Variants in RADIL observed in about 807,000 individuals in gnomAD.
RADIL encodes ras-associating and dilute domain-containing protein.
A neutral mutation model predicts 97.6 loss-of-function variants in RADIL; 99 were observed. The observed-to-expected ratio is 1.01, with a 90% confidence interval of 0.86 to 1.20. The LOEUF is 1.20. Among genes scored for constraint, RADIL ranks in the 50% most tolerant of loss-of-function variants. The probability of loss-of-function intolerance (pLI) is 0.00; values close to 1 mark genes in which losing one functional copy is unlikely to be tolerated. For synonymous variants in RADIL, 803 were observed against 691.8 expected, an observed-to-expected ratio of 1.16 and a Z score of -2.52; for missense variants, 1,765 against 1,498.9, an observed-to-expected ratio of 1.18 and a Z score of -2.93.
rs1783285205 is a variant in RADIL at position 4,835,893 on chromosome 7, G to C, written c.783+465C>G. 6.6e-6 allele frequency among the ~76,000 whole-genome samples: 1 copy of C among 152,262 alleles called. No homozygotes were observed. The highest frequency in any genetic ancestry group is 1.5e-5 in the Non-Finnish European group (1 of 68,044). Reference sequence around the variant, plus strand: ...CAGCCTGCCTGCTCTGATGGAAGTGGTGAGAAACGGCTCTGGGCAGATAGG... The same window carrying C: ...CAGCCTGCCTGCTCTGATGGAAGTGCTGAGAAACGGCTCTGGGCAGATAGG... On this transcript the variant is annotated intron_variant, in intron 3 of 14. Coordinates refer to ENST00000399583, the MANE Select transcript of RADIL (RefSeq NM_018059.5). This position sits in a 1 kb window ranked among gnomAD's most constrained non-coding sequence, Gnocchi z 5.8.
chr7:4,873,863 C>T lies in RADIL; in HGVS notation c.535+3742G>A, dbSNP rs896091862. On this transcript the variant is annotated intron_variant, in intron 2 of 14. Coordinates refer to ENST00000399583, the MANE Select transcript of RADIL (RefSeq NM_018059.5). This position sits in a 1 kb window ranked among gnomAD's most constrained non-coding sequence, Gnocchi z 4.3. ...AAGCCTCCCCACCACGATTCTTCCA[C>T]GTCACTCCAACCTGAGGCAGGCTGG... Among the ~76,000 whole-genome samples, 1 of 152,230 alleles carries T rather than the reference C, an allele frequency of 6.6e-6. No homozygotes were observed. Among genetic ancestry groups the T allele is most frequent in the Non-Finnish European group, 1.5e-5 (1 of 68,046 alleles).
At position 4,835,128 on chromosome 7, in the gene RADIL, T is replaced by G. The variant is rs1583294099; in HGVS notation, c.895A>C (p.Thr299Pro). 1 of 1,609,430 alleles carries G rather than the reference T, an allele frequency of 6.2e-7. No homozygotes were observed. Among genetic ancestry groups the G allele is most frequent in the Non-Finnish European group, 8.5e-7 (1 of 1,178,414 alleles). The change falls in exon 4 of 15, where the codon ACC becomes CCC. Residue 299 changes from threonine (T) to proline (P), a missense_variant. Coordinates refer to ENST00000399583, the MANE Select transcript of RADIL (RefSeq NM_018059.5). The surrounding 1 kb of genome is among the most constrained non-coding windows in gnomAD (Gnocchi z 5.8). ...SAPDILPLHC[T>P]IRRQPLPDSG... is the part of the protein sequence containing the mutation. ...TCCGGGAGCGGTTGCCGGCGGATGG[T>G]GCAGTGTAGAGGCAGGATGTCGGGG...
At chr7:4,823,753 G>C (rs1163740099) in intron 5 of RADIL, among the ~76,000 whole-genome samples, 1 of 152,206 alleles carries the variant, frequency 6.6e-6, no homozygotes, top group Non-Finnish European at 1.5e-5. Flanking sequence ...GTGTCTGTCT[G>C]GTGTGACTTG....
chr7:4,811,026 A>G (rs1782528747), intron 9 of RADIL, among the ~76,000 whole-genome samples: 1 of 151,944 alleles, frequency 6.6e-6, no homozygotes, highest in Non-Finnish European at 1.5e-5. Context: ...AACCCCAGCT[A>G]CTCAAGAGGC....
In RADIL at chr7:4,881,814, A is replaced by G. The variant is rs545446335; in HGVS notation, c.-65+1782T>C. ...ATATTTGGGGCCCAGGGGTGGATAT[A>G]TGTTTTGTAAGGTCTGACATTTACA... On this transcript the variant is annotated intron_variant, in intron 1 of 14. Transcript: ENST00000399583. 4.6e-5 allele frequency among the ~76,000 whole-genome samples: 7 copies of G among 152,314 alleles called. No individual in the cohort carries two copies. In the East Asian group the frequency reaches 5.8e-4, roughly 13 times the overall value.
chr7:4,881,726 CAAAA>C (rs540740997), intron 1 of RADIL, among the ~76,000 whole-genome samples: 1 of 79,178 alleles, frequency 1.3e-5, no homozygotes. Context: ...GACTCCGTCT[CAAAA>C]AAAAAAAAAA....
intron 2 of RADIL, among the ~76,000 whole-genome samples, chr7:4,864,188 C>G (rs1026818715): frequency 6.6e-6 from 1 of 152,196 alleles, no homozygotes; most frequent in African/African-American, 2.4e-5. Context: ...TTGCCCAACC[C>G]ATGACCCCAA....
At chr7:4,827,172 C>G (rs947748038) in intron 5 of RADIL, among the ~76,000 whole-genome samples, 1 of 151,894 alleles carries the variant, frequency 6.6e-6, no homozygotes, top group Non-Finnish European at 1.5e-5. Flanking sequence ...CAAGACAAGC[C>G]TGGTCAACAT....
At chr7:4,862,915 TAAAAATAA>T (rs1562455874) in intron 2 of RADIL, among the ~76,000 whole-genome samples, 1 of 150,800 alleles carries the variant, frequency 6.6e-6, no homozygotes, top group East Asian at 2.0e-4. Context: ...AAAATAAAAT[TAAAAATAA>T]AAATAAAAAA....
At chr7:4,801,117 ACCATGCAGACACAC>A (rs1782069251) in intron 12 of RADIL, among the ~76,000 whole-genome samples, 1 of 151,840 alleles carries the variant, frequency 6.6e-6, no homozygotes. Context: ...CACAATGCAC[ACCATGCAGACACAC>A]CCATGCAGAG....
At chr7:4,864,655 G>C (rs1265883896) in intron 2 of RADIL, among the ~76,000 whole-genome samples, 1 of 152,172 alleles carries the variant, frequency 6.6e-6, no homozygotes, top group East Asian at 1.9e-4. Flanking sequence ...AAACCTGGGA[G>C]TCATTCTGGA....
At chr7:4,868,646 T>A (rs1157003714) in intron 2 of RADIL, among the ~76,000 whole-genome samples, 2 of 152,256 alleles carry the variant, frequency 1.3e-5, no homozygotes, top group Non-Finnish European at 2.9e-5. Flanking sequence ...TTGCTGATCT[T>A]TAGACATGCA....
Position 4,878,207 on chromosome 7 carries a change from G to A in RADIL, c.-64-4C>T. On this transcript the variant is annotated splice_polypyrimidine_tract_variant and splice_region_variant and intron_variant, in intron 1 of 14. Coordinates refer to ENST00000399583, the MANE Select transcript of RADIL (RefSeq NM_018059.5). This position sits in a 1 kb window ranked among gnomAD's most constrained non-coding sequence, Gnocchi z 4.1. ...AAGGATGTGGGGAGGCCGTGACCTG[G>A]GTGAAAAAGTGAGAGAGGTTAGCGC... The A allele has an allele frequency of 7.0e-7, 1 of 1,429,466 alleles. No individual in the cohort carries two copies. Among genetic ancestry groups the A allele is most frequent in the Non-Finnish European group, 9.2e-7 (1 of 1,085,090 alleles). The allele number at this position is 1,429,466 out of a possible 1,614,324, so 88.5% of individuals were successfully genotyped here. A position where few individuals can be genotyped will look rare whatever the true frequency, so the allele number is the denominator to read the frequency against.
intron 9 of RADIL, chr7:4,809,016 G>GC (rs1292147767): frequency 8.7e-6 from 6 of 688,990 alleles, no homozygotes; most frequent in East Asian, 1.8e-4. Context: ...CGACGCCACT[G>GC]CCCCCCCTTG....
At chr7:4,827,695 G>C (rs962235272) in intron 5 of RADIL, among the ~76,000 whole-genome samples, 2 of 152,116 alleles carry the variant, frequency 1.3e-5, no homozygotes, top group African/African-American at 4.8e-5. Flanking sequence ...AAAAAATGAA[G>C]TAAACCAATC....
rs765161592 is a variant in RADIL at position 4,814,649 on chromosome 7, C to A, written c.2139+629G>T. Among the ~76,000 whole-genome samples, 5 of 152,196 alleles carry A rather than the reference C, an allele frequency of 3.3e-5. No individual in the cohort carries two copies. The highest frequency in any genetic ancestry group is 7.3e-5 in the Non-Finnish European group (5 of 68,036). Reference sequence around the variant, plus strand: ...TTGTGACAAATGCCCACACGCCTGGCGGTCACGGCCACACAGTGCACTCTC... The same window carrying A: ...TTGTGACAAATGCCCACACGCCTGGAGGTCACGGCCACACAGTGCACTCTC... On this transcript the variant is annotated intron_variant, in intron 9 of 14. Transcript: ENST00000399583. The surrounding 1 kb of genome is among the most constrained non-coding windows in gnomAD (Gnocchi z 4.5).
rs1003026190 is a variant in RADIL at position 4,817,169 on chromosome 7, C to G, written c.1728+70G>C. 19 of 1,400,150 alleles carry G rather than the reference C, an allele frequency of 1.4e-5. No homozygotes were observed. In the African/African-American group the frequency reaches 2.6e-4, roughly 19 times the overall value. 86.7% of individuals were successfully genotyped at this position (1,400,150 alleles called of 1,614,324 possible). A position where few individuals can be genotyped will look rare whatever the true frequency, so the allele number is the denominator to read the frequency against. On this transcript the variant is annotated intron_variant, in intron 7 of 14. Coordinates refer to ENST00000399583, the MANE Select transcript of RADIL (RefSeq NM_018059.5). This position sits in a 1 kb window ranked among gnomAD's most constrained non-coding sequence, Gnocchi z 8.3. ...CCCAGAAGGCTCCTTAGGAGAGCCACAGGCACAAGCTTGAGCCCCACTTGA... is the reference window on the plus strand; with the variant it reads ...CCCAGAAGGCTCCTTAGGAGAGCCAGAGGCACAAGCTTGAGCCCCACTTGA...
rs368140599 is a variant in RADIL at position 4,834,914 on chromosome 7, G to A, written c.1109C>T (p.Ala370Val). 24 of 1,546,110 alleles carry A rather than the reference G, an allele frequency of 1.6e-5. No individual in the cohort carries two copies. In the African/African-American group the frequency reaches 1.8e-4, roughly 11 times the overall value. Residue 370 changes from alanine (A) to valine (V), a missense_variant, in exon 4 of 15, where the codon GCG (alanine) becomes GTG (valine). By Grantham distance (64) the Ala-to-Val change is moderately conservative. Coordinates refer to ENST00000399583, the MANE Select transcript of RADIL (RefSeq NM_018059.5). This position sits in a 1 kb window ranked among gnomAD's most constrained non-coding sequence, Gnocchi z 6.0. Reference protein sequence around the residue: ...QAQPLPARALARLRAVPQSCR... With the variant: ...QAQPLPARALVRLRAVPQSCR... ...GCTCTGCGGCACAGCCCGGAGGCGC[G>A]CCAAGGCCCGGGCGGGCAGGGGCTG...
intron 2 of RADIL, chr7:4,861,542 A>T: frequency 6.2e-7 from 1 of 1,614,094 alleles, no homozygotes; most frequent in Non-Finnish European, 8.5e-7. Flanking sequence ...GTTTTCAATT[A>T]CAGACTGGGG....
Sources: allele counts gnomAD v4.1 joint callset (sites outside exome capture counted in the v4.1 genomes callset), GRCh38; gene constraint gnomAD v4.1.1; non-coding constraint Gnocchi (gnomAD v3.1); transcripts MANE v1.5; gene names NCBI Gene and HGNC (gene_info 2026-07-23, HGNC 2026-07-21).